The following DSCAM variants were observed in gnomAD, a reference collection of about 807,000 sequenced individuals.
DSCAM encodes the protein cell adhesion molecule DSCAM.
In DSCAM, 47 loss-of-function variants were observed where a neutral mutation model predicts 217.7. That is an observed-to-expected ratio of 0.22 (90% CI 0.17 to 0.28). The LOEUF (loss-of-function observed/expected upper bound fraction) is 0.28, where lower values mean the gene tolerates loss of function less well. DSCAM is among the 10% of genes least tolerant of loss of function. The pLI is 1.00. For missense variants in DSCAM, 2,080 were observed against 2,618.3 expected (o/e 0.79, Z 4.49); for synonymous variants, 1,056 against 1,015.3 (o/e 1.04, Z -0.76).
intron 2 of DSCAM, among the ~76,000 whole-genome samples, chr21:40,700,774 T>A (rs2090648007): frequency 6.6e-6 from 1 of 151,120 alleles, no homozygotes; most frequent in Non-Finnish European, 1.5e-5. Context: ...CCTCACTCTG[T>A]CACACAGGCT....
intron 3 of DSCAM, among the ~76,000 whole-genome samples, chr21:40,533,564 T>TCCATCCAA (rs1568884664): frequency 6.8e-6 from 1 of 147,040 alleles, no homozygotes; most frequent in Non-Finnish European, 1.5e-5. Flanking sequence ...CATTCATCCA[T>TCCATCCAA]CCATCCATCC....
chr21:40,238,916 C>A (rs1400165530), intron 11 of DSCAM, among the ~76,000 whole-genome samples: 1 of 152,174 alleles, frequency 6.6e-6, no homozygotes, highest in Non-Finnish European at 1.5e-5. Context: ...GATGATCCTG[C>A]TTCTCTTTGC....
At chr21:40,456,167 C>G (rs1488761117) in intron 3 of DSCAM, among the ~76,000 whole-genome samples, 2 of 151,458 alleles carry the variant, frequency 1.3e-5, no homozygotes, top group African/African-American at 4.9e-5. Context: ...TGCAAGAAGG[C>G]TTGAATATGC....
intron 3 of DSCAM, among the ~76,000 whole-genome samples, chr21:40,686,857 G>T (rs540431357): frequency 6.6e-6 from 1 of 152,114 alleles, no homozygotes; most frequent in Non-Finnish European, 1.5e-5. Flanking sequence ...GGTGGCAGCG[G>T]GGTAACATGC....
chr21:40,366,773 C>T (rs2074837157), intron 4 of DSCAM, among the ~76,000 whole-genome samples: 1 of 152,224 alleles, frequency 6.6e-6, no homozygotes, highest in South Asian at 2.1e-4. Flanking sequence ...CTTGATATTA[C>T]CTTCAAGGAC....
chr21:40,187,861 GT>G, intron 13 of DSCAM, 29 bp downstream of exon 13: 1 of 1,575,440 alleles, frequency 6.3e-7, no homozygotes, highest in Non-Finnish European at 8.7e-7. Context: ...AAATGACTGT[GT>G]TTATTCTCTT....
At chr21:40,614,267 GTTTTCC>G in intron 3 of DSCAM, among the ~76,000 whole-genome samples, 1 of 152,252 alleles carries the variant, frequency 6.6e-6, no homozygotes, top group East Asian at 1.9e-4. Flanking sequence ...TTTTTGTTTT[GTTTTCC>G]TTTTCATGTA....
intron 3 of DSCAM, among the ~76,000 whole-genome samples, chr21:40,491,669 G>C (rs767129445): frequency 6.6e-6 from 1 of 152,022 alleles, no homozygotes; most frequent in African/African-American, 2.4e-5. Flanking sequence ...ATTCAACCCA[G>C]GCACACTGGC....
intron 1 of DSCAM, among the ~76,000 whole-genome samples, 157 bp from the exon 2 acceptor site, chr21:40,708,928 C>A (rs2090747060): frequency 1.3e-5 from 2 of 152,146 alleles, no homozygotes; most frequent in African/African-American, 4.8e-5. Flanking sequence ...ATGCTGTGAG[C>A]AGACAGGCTG....
intron 8 of DSCAM, among the ~76,000 whole-genome samples, chr21:40,329,055 G>A (rs1373333711): frequency 1.3e-5 from 2 of 152,186 alleles, no homozygotes; most frequent in African/African-American, 4.8e-5. Flanking sequence ...GCTTTGTACT[G>A]TATTGATAGG....
intron 26 of DSCAM, among the ~76,000 whole-genome samples, chr21:40,076,861 A>C (rs972061335): frequency 3.9e-5 from 6 of 152,248 alleles, no homozygotes; most frequent in Non-Finnish European, 7.3e-5. Flanking sequence ...TAAAAAAGAT[A>C]CTTACTACTC....
chr21:40,115,274 A>G (rs1371967755), intron 20 of DSCAM, among the ~76,000 whole-genome samples: 3 of 152,130 alleles, frequency 2.0e-5, no homozygotes, highest in Non-Finnish European at 4.4e-5. Flanking sequence ...GGGACATGGA[A>G]GAAGCTGGAA....
chr21:40,826,352 T>C (rs1393917674), intron 1 of DSCAM, among the ~76,000 whole-genome samples: 2 of 151,946 alleles, frequency 1.3e-5, no homozygotes, highest in Non-Finnish European at 2.9e-5. Flanking sequence ...GTGGCCAGCA[T>C]GGCTCTGTGG....
chr21:40,112,844 C>G (rs1237222348), intron 20 of DSCAM, among the ~76,000 whole-genome samples: 1 of 152,108 alleles, frequency 6.6e-6, no homozygotes. Context: ...TTGACAAATA[C>G]ACCCTCCCAA....
At chr21:40,407,958 T>C (rs896773973) in intron 3 of DSCAM, among the ~76,000 whole-genome samples, 3 of 152,368 alleles carry the variant, frequency 2.0e-5, no homozygotes, top group Non-Finnish European at 2.9e-5. Context: ...TGGTTCCTTA[T>C]CTTTCAAGGA....
intron 3 of DSCAM, among the ~76,000 whole-genome samples, chr21:40,382,658 G>T (rs1341938218): frequency 6.6e-6 from 1 of 152,140 alleles, no homozygotes; most frequent in African/African-American, 2.4e-5. Flanking sequence ...GTCAGATGCG[G>T]TCCCTCGTGT....
intron 3 of DSCAM, among the ~76,000 whole-genome samples, chr21:40,635,562 C>T (rs1017950496): frequency 1.3e-5 from 2 of 152,042 alleles, no homozygotes; most frequent in Non-Finnish European, 2.9e-5. Context: ...CCGGTGTGTG[C>T]GTGGGCAGGT....
intron 3 of DSCAM, among the ~76,000 whole-genome samples, chr21:40,392,776 G>C (rs1207658970): frequency 6.6e-6 from 1 of 152,134 alleles, no homozygotes; most frequent in East Asian, 1.9e-4. Flanking sequence ...AAGAGCAGTA[G>C]TACAGTGAAT....
intron 11 of DSCAM, among the ~76,000 whole-genome samples, chr21:40,219,441 G>T (rs914299766): frequency 6.6e-6 from 1 of 152,094 alleles, no homozygotes. Flanking sequence ...ACATAATATT[G>T]AATTAGGCTG....
Sources: gnomAD v4.1 joint callset for allele counts (sites outside exome capture counted in the v4.1 genomes callset) on GRCh38, gnomAD v4.1.1 for gene constraint, MANE v1.5 for transcripts, NCBI Gene and HGNC (gene_info 2026-07-23, HGNC 2026-07-21) for gene names.